CUEDC1: variants seen among roughly 807,000 people sequenced by gnomAD.
CUEDC1 encodes the protein CUE domain-containing protein 1.
A neutral mutation model predicts 43.7 loss-of-function variants in CUEDC1; 30 were observed. That is an observed-to-expected ratio of 0.69 (90% CI 0.51 to 0.93). CUEDC1 has a LOEUF of 0.93. Among genes scored for constraint, CUEDC1 ranks in the 40% least tolerant of loss-of-function variants. The pLI, the probability that CUEDC1 is intolerant of heterozygous loss-of-function variation, is 0.00. For missense variants in CUEDC1, 486 were observed against 549.0 expected, an observed-to-expected ratio of 0.89 and a Z score of 1.15; for synonymous variants, 223 against 223.6, an observed-to-expected ratio of 1.00 and a Z score of 0.02.
Position 57,871,381 on chromosome 17 carries a change from C to A in CUEDC1, c.785-12G>T, listed in dbSNP as rs1252206594. 1.2e-6 allele frequency: 2 copies of A among 1,611,868 alleles called. No homozygotes were observed. The highest frequency in any genetic ancestry group is 1.7e-5 in the Admixed American group (1 of 60,026). Reference sequence around the variant, plus strand: ...GTATTTCAATCGATCTGGAAAAGGACCACATTCACAGGTCAGGGAGGTTAG... The same window carrying A: ...GTATTTCAATCGATCTGGAAAAGGAACACATTCACAGGTCAGGGAGGTTAG... On this transcript the variant is annotated splice_polypyrimidine_tract_variant and intron_variant, in intron 5 of 10. Transcript: ENST00000577830.
Position 57,942,234 on chromosome 17 carries a change from G to A in CUEDC1, c.-316+12991C>T, listed in dbSNP as rs1300379829. On this transcript the variant is annotated intron_variant, in intron 1 of 10. Coordinates refer to ENST00000577830, the MANE Select transcript of CUEDC1 (RefSeq NM_001271875.2). Reference sequence around the variant, plus strand: ...TGGGAGTGCTCACATCTGAAGTCCTGAAAGAGAACAGGACTTTTCCTAAGA... The same window carrying A: ...TGGGAGTGCTCACATCTGAAGTCCTAAAAGAGAACAGGACTTTTCCTAAGA... Among the ~76,000 whole-genome samples the A allele has an allele frequency of 2.0e-5, 3 of 152,240 alleles. No homozygotes were observed. The East Asian group carries it at 5.8e-4, about 29-fold the overall frequency.
At chr17:57,883,048 G>A (rs1040328653) in intron 2 of CUEDC1, among the ~76,000 whole-genome samples, 11 of 152,128 alleles carry the variant, frequency 7.2e-5, no homozygotes, top group South Asian at 6.2e-4. Flanking sequence ...ACATACATAC[G>A]CATACTCTCA....
intron 1 of CUEDC1, among the ~76,000 whole-genome samples, chr17:57,898,349 G>A (rs1266175099): frequency 6.6e-6 from 1 of 152,190 alleles, no homozygotes; most frequent in African/African-American, 2.4e-5. Flanking sequence ...TGCCGGTGGA[G>A]GGGAGACCAC....
In CUEDC1 at chr17:57,955,150, C is replaced by G. The variant is rs1410011757; in HGVS notation, c.-316+75G>C. The G allele has an allele frequency of 6.8e-6, 1 of 146,906 alleles. No individual in the cohort carries two copies. Among genetic ancestry groups the G allele is most frequent in the African/African-American group, 2.5e-5 (1 of 40,742 alleles). 9.1% of individuals were successfully genotyped at this position (146,906 alleles called of 1,614,324 possible). On this transcript the variant is annotated intron_variant, in intron 1 of 10. Transcript: ENST00000577830. The surrounding 1 kb of genome is among the most constrained non-coding windows in gnomAD (Gnocchi z 5.3). ...GGGGCCGCTGGGCCGGGGCCGCGGC[C>G]GGGATTGCGCGCGGGGCGCCGGCGA...
At chr17:57,889,557 C>T (rs912840374) in intron 1 of CUEDC1, among the ~76,000 whole-genome samples, 1 of 152,224 alleles carries the variant, frequency 6.6e-6, no homozygotes, top group African/African-American at 2.4e-5. Context: ...CAGCCCCACA[C>T]CCTGCCTCAC....
At chr17:57,910,382 C>G (rs1428828989) in intron 1 of CUEDC1, among the ~76,000 whole-genome samples, 1 of 151,932 alleles carries the variant, frequency 6.6e-6, no homozygotes, top group African/African-American at 2.4e-5. Flanking sequence ...ATACAAGATG[C>G]AAATGAGCAC....
At chr17:57,946,881 G>C (rs2074964591) in intron 1 of CUEDC1, among the ~76,000 whole-genome samples, 1 of 152,032 alleles carries the variant, frequency 6.6e-6, no homozygotes, top group Non-Finnish European at 1.5e-5. Flanking sequence ...CTCCATCTCG[G>C]ACGCATCTTC....
chr17:57,903,643 T>C (rs1028550657), intron 1 of CUEDC1, among the ~76,000 whole-genome samples: 1 of 152,048 alleles, frequency 6.6e-6, no homozygotes, highest in Admixed American at 6.6e-5. Context: ...TCCACTGTTT[T>C]TTAAATCAGA....
In CUEDC1 at chr17:57,879,676, C is replaced by A; in HGVS notation, c.399G>T (p.Pro133=). ...SDEEPPPVYS[P]PAYHMHVFDR... The stretch of plus-strand genomic sequence containing the variant: ...CGAACACGTGCATGTGGTAGGCTGG[C>A]GGGGAGTACACAGGTGGGGGCTCTT... The change falls in exon 3 of 11, where the codon CCG becomes CCT. Residue 133 remains proline, a synonymous_variant. Transcript: ENST00000577830. The A allele has an allele frequency of 6.2e-7, 1 of 1,602,042 alleles. No individual in the cohort carries two copies. Among genetic ancestry groups the A allele is most frequent in the Non-Finnish European group, 8.5e-7 (1 of 1,175,690 alleles).
At chr17:57,927,472 G>A (rs748969288) in intron 1 of CUEDC1, among the ~76,000 whole-genome samples, 29 of 151,860 alleles carry the variant, frequency 1.9e-4, no homozygotes, top group Admixed American at 3.9e-4. Flanking sequence ...CTTCCCTCCT[G>A]CCCACACCCT....
At chr17:57,878,343 G>C (rs1473706353) in intron 3 of CUEDC1, among the ~76,000 whole-genome samples, 2 of 152,200 alleles carry the variant, frequency 1.3e-5, no homozygotes, top group African/African-American at 4.8e-5. Flanking sequence ...GATGGTGTAG[G>C]TAAAGAACCT....
At chr17:57,896,061 G>A (rs951582169) in intron 1 of CUEDC1, among the ~76,000 whole-genome samples, 32 of 152,136 alleles carry the variant, frequency 2.1e-4, no homozygotes, top group African/African-American at 7.5e-4. Flanking sequence ...CAGGTAATCC[G>A]GGTCAAGGAA....
At chr17:57,938,813 C>T (rs951531452) in intron 1 of CUEDC1, among the ~76,000 whole-genome samples, 1 of 147,772 alleles carries the variant, frequency 6.8e-6, no homozygotes, top group Non-Finnish European at 1.5e-5. Context: ...CAGGCATGTG[C>T]CACCACGCCC....
At chr17:57,941,099 G>A (rs2074913283) in intron 1 of CUEDC1, among the ~76,000 whole-genome samples, 1 of 152,206 alleles carries the variant, frequency 6.6e-6, no homozygotes, top group Non-Finnish European at 1.5e-5. Flanking sequence ...ACACATGGGA[G>A]AAGGCATCAA....
At chr17:57,949,513 C>A (rs1259116526) in intron 1 of CUEDC1, among the ~76,000 whole-genome samples, 1 of 151,030 alleles carries the variant, frequency 6.6e-6, no homozygotes, top group East Asian at 1.9e-4. Context: ...CCCAGCTCCA[C>A]CCTCCCCCAC....
intron 1 of CUEDC1, among the ~76,000 whole-genome samples, chr17:57,899,117 A>G (rs924511032): frequency 6.6e-6 from 1 of 152,164 alleles, no homozygotes; most frequent in Non-Finnish European, 1.5e-5. Context: ...GCTTCAAAAG[A>G]GCAGGCAGCA....
intron 1 of CUEDC1, among the ~76,000 whole-genome samples, chr17:57,888,055 C>A (rs1175494562): frequency 6.6e-6 from 1 of 151,548 alleles, no homozygotes; most frequent in Non-Finnish European, 1.5e-5. Flanking sequence ...CACGTGCCAC[C>A]ACGCTTGGTG....
In CUEDC1 at chr17:57,896,490, GTGTGTGTGTGTGT is replaced by G. The variant is rs1597992103; in HGVS notation, c.-315-10624_-315-10612del. 9.1e-5 allele frequency among the ~76,000 whole-genome samples: 8 copies of G among 88,350 alleles called. No homozygotes were observed. The East Asian group carries it at 1.0e-3, about 11-fold the overall frequency. 58.0% of individuals were successfully genotyped at this position (88,350 alleles called of 152,430 possible). A position where few individuals can be genotyped will look rare whatever the true frequency, so the allele number is the denominator to read the frequency against. ...ACTCTACTATAGTGCATTATGGGGT[GTGTGTGTGTGTGT>G]GTGTGTGTGTGTGTGTGTGTGTGTA... On this transcript the variant is annotated intron_variant, in intron 1 of 10. Coordinates refer to ENST00000577830, the MANE Select transcript of CUEDC1 (RefSeq NM_001271875.2).
intron 1 of CUEDC1, among the ~76,000 whole-genome samples, chr17:57,904,778 G>A (rs551798187): frequency 6.6e-6 from 1 of 152,232 alleles, no homozygotes; most frequent in South Asian, 2.1e-4. Flanking sequence ...GGGAGTGGGG[G>A]GGCCTCATTC....
Sources: gnomAD v4.1 joint callset for allele counts (sites outside exome capture counted in the v4.1 genomes callset) on GRCh38, gnomAD v4.1.1 for gene constraint, Gnocchi (gnomAD v3.1) non-coding constraint, MANE v1.5 for transcripts, NCBI Gene and HGNC (gene_info 2026-07-23, HGNC 2026-07-21) for gene names.